The following BRWD1 variants were observed in gnomAD, a reference collection of about 807,000 sequenced individuals.
BRWD1 encodes bromodomain and WD repeat domain containing 1, also known as bromodomain and WD repeat-containing protein 1.
Under a neutral mutation model 251.2 loss-of-function variants are expected in BRWD1, and 82 were observed. That is an observed-to-expected ratio of 0.33 (90% CI 0.27 to 0.39). BRWD1 has a LOEUF of 0.39. BRWD1 is among the 10% of genes least tolerant of loss of function. BRWD1 has a pLI of 1.00. For missense variants in BRWD1, 2,233 were observed against 2,711.6 expected, an observed-to-expected ratio of 0.82 and a Z score of 3.92; for synonymous variants, 918 against 902.8, an observed-to-expected ratio of 1.02 and a Z score of -0.30.
chr21:39,284,962 T>C (rs1280733302), intron 8 of BRWD1, among the ~76,000 whole-genome samples: 1 of 152,232 alleles, frequency 6.6e-6, no homozygotes, highest in African/African-American at 2.4e-5. Flanking sequence ...TTGTTCCCTA[T>C]GCTTTTGGGT....
At chr21:39,266,266 T>C (rs1052992460) in intron 15 of BRWD1, among the ~76,000 whole-genome samples, 18 of 98,746 alleles carry the variant, frequency 1.8e-4, no homozygotes, top group Non-Finnish European at 2.8e-4. Flanking sequence ...TATTAATTCA[T>C]ATTCTCTTAA....
At chr21:39,291,534 C>G (rs2035807075) in intron 8 of BRWD1, among the ~76,000 whole-genome samples, 1 of 152,126 alleles carries the variant, frequency 6.6e-6, no homozygotes, top group Non-Finnish European at 1.5e-5. Flanking sequence ...CATTTTGGTA[C>G]CACCCCCACT....
At chr21:39,308,255 G>A (rs1022757857) in intron 4 of BRWD1, among the ~76,000 whole-genome samples, 5 of 152,128 alleles carry the variant, frequency 3.3e-5, no homozygotes, top group Admixed American at 2.6e-4. Flanking sequence ...GCCAATGCAG[G>A]TGGATCACTG....
chr21:39,226,013 TGA>T (rs1002100690), intron 27 of BRWD1, among the ~76,000 whole-genome samples: 25 of 152,286 alleles, frequency 1.6e-4, no homozygotes, highest in African/African-American at 5.3e-4. Context: ...GCCTCAATTT[TGA>T]GAGGCCAAAC....
At chr21:39,231,840 TTTC>T (rs2033628339) in intron 25 of BRWD1, among the ~76,000 whole-genome samples, 1 of 152,238 alleles carries the variant, frequency 6.6e-6, no homozygotes, top group Non-Finnish European at 1.5e-5. Flanking sequence ...CCAGTTTTTA[TTTC>T]TTCTTTTGAA....
At chr21:39,295,677 A>T in intron 7 of BRWD1, 66 bp downstream of exon 7, 1 of 1,246,470 alleles carries the variant, frequency 8.0e-7, no homozygotes, top group Non-Finnish European at 1.1e-6. Flanking sequence ...AAGATTTCCT[A>T]GATGATTCTG....
At position 39,270,206 on chromosome 21, in the gene BRWD1, T is replaced by C. The variant is rs2035054990; in HGVS notation, c.1395+77A>G. 3.7e-6 allele frequency: 5 copies of C among 1,358,068 alleles called. No individual in the cohort carries two copies. In the South Asian group the frequency reaches 6.7e-5, roughly 18 times the overall value. 84.1% of individuals were successfully genotyped at this position (1,358,068 alleles called of 1,614,324 possible). On this transcript the variant is annotated intron_variant, in intron 14 of 40. Coordinates refer to ENST00000342449, the MANE Select transcript of BRWD1 (RefSeq NM_033656.4). ...CATGAGAGAAACAACTTGTTCAATA[T>C]ATTATTTTTATAGCTTCAAAATTAC...
At chr21:39,282,276 T>C (rs1040763529) in intron 8 of BRWD1, among the ~76,000 whole-genome samples, 1 of 151,486 alleles carries the variant, frequency 6.6e-6, no homozygotes, top group African/African-American at 2.4e-5. Context: ...TCAAGAAACA[T>C]TCAAGACAAA....
rs973199538 is a variant in BRWD1 at position 39,194,553 on chromosome 21, T to C, written c.*1706A>G. The C allele has an allele frequency of 6.9e-7, 1 of 1,446,868 alleles. No homozygotes were observed. The highest frequency in any genetic ancestry group is 9.0e-7 in the Non-Finnish European group (1 of 1,106,178). 89.6% of individuals were successfully genotyped at this position (1,446,868 alleles called of 1,614,324 possible). A position where few individuals can be genotyped will look rare whatever the true frequency, so the allele number is the denominator to read the frequency against. On this transcript the variant is annotated 3_prime_UTR_variant, in exon 41 of 41. Coordinates refer to ENST00000342449, the MANE Select transcript of BRWD1 (RefSeq NM_033656.4). ...TCTAAGCCACAAATGAGAGGAGGTT[T>C]CCCACCTATCTCAGTTGATAATGTC... is the stretch of plus-strand genomic sequence containing the variant.
intron 20 of BRWD1, among the ~76,000 whole-genome samples, chr21:39,248,464 GAACA>G (rs757160736): frequency 6.6e-5 from 10 of 151,246 alleles, no homozygotes; most frequent in Admixed American, 6.6e-5. Flanking sequence ...ACAAAAACAA[GAACA>G]AACAAACAAA....
chr21:39,191,001 G>C lies in BRWD1; in HGVS notation c.*5258C>G, dbSNP rs2031523436. ...AAAACTCAGATTTGTGATGGCTATT[G>C]CAATTTTTAATAAAAATCTCATAAA... On this transcript the variant is annotated 3_prime_UTR_variant, in exon 41 of 41. Coordinates refer to ENST00000342449, the MANE Select transcript of BRWD1 (RefSeq NM_033656.4). 5.1e-6 allele frequency: 5 copies of C among 985,080 alleles called. No individual in the cohort carries two copies. In the South Asian group the frequency reaches 1.4e-4, roughly 28 times the overall value. The allele number at this position is 985,080 out of a possible 1,614,324, so 61.0% of individuals were successfully genotyped here.
rs578118978 is a variant in BRWD1 at position 39,201,146 on chromosome 21, G to A, written c.4586-760C>T. ...TTACCCATTCCTAACAGCACAGTAA[G>A]GTCATTTCTTACATAACAGCTACAC... is the stretch of plus-strand genomic sequence containing the variant. On this transcript the variant is annotated intron_variant, in intron 38 of 40. Coordinates refer to ENST00000342449, the MANE Select transcript of BRWD1 (RefSeq NM_033656.4). 1.1e-4 allele frequency among the ~76,000 whole-genome samples: 16 copies of A among 152,262 alleles called. No homozygotes were observed. In the South Asian group the frequency reaches 1.2e-3, roughly 12 times the overall value.
rs372623037 is a variant in BRWD1 at position 39,236,820 on chromosome 21, A to G, written c.2577-36T>C. 13 of 1,565,766 alleles carry G rather than the reference A, an allele frequency of 8.3e-6. No individual in the cohort carries two copies. In the African/African-American group the frequency reaches 1.4e-4, roughly 16 times the overall value. ...GGAGTGCTTTCAGTTGAATGGAGCC[A>G]GAATATAAGCACTGATAGCAAGTCA... On this transcript the variant is annotated intron_variant, in intron 22 of 40. Transcript: ENST00000342449.
At chr21:39,277,168 T>A in intron 11 of BRWD1, 83 bp downstream of exon 11, 1 of 843,126 alleles carries the variant, frequency 1.2e-6, no homozygotes, top group East Asian at 3.0e-5. Flanking sequence ...AAAATAAAAG[T>A]AGAGCCAATA....
At chr21:39,287,552 G>A (rs2035679506) in intron 8 of BRWD1, among the ~76,000 whole-genome samples, 1 of 152,058 alleles carries the variant, frequency 6.6e-6, no homozygotes, top group South Asian at 2.1e-4. Context: ...TTATAAAGCT[G>A]CTTAAAATAT....
At chr21:39,313,742 G>A (rs949095354), upstream of BRWD1, 2 of 385,624 alleles carry the variant, frequency 5.2e-6, no homozygotes, top group Non-Finnish European at 9.3e-6. Context: ...CTCGTGTCCC[G>A]CCCGGGGAGG....
Position 39,303,028 on chromosome 21 carries a change from C to T in BRWD1, c.199-4446G>A, listed in dbSNP as rs565697284. ...GAGCCGAGATCACACCACCACACTC[C>T]ATCCTGCACAACAGAGACTCCGTCT... On this transcript the variant is annotated intron_variant, in intron 4 of 40. Transcript: ENST00000342449. Among the ~76,000 whole-genome samples the T allele has an allele frequency of 8.5e-5, 13 of 152,188 alleles. No individual in the cohort carries two copies. The South Asian group carries it at 2.3e-3, about 27-fold the overall frequency.
chr21:39,218,421 A>G, intron 30 of BRWD1, 84 bp downstream of exon 30: 1 of 1,438,054 alleles, frequency 7.0e-7, no homozygotes, highest in Non-Finnish European at 9.3e-7. Context: ...AAGAACAGAA[A>G]CCTCAATTAT....
chr21:39,278,933 C>A, intron 9 of BRWD1, 120 bp from the exon 10 acceptor site: 1 of 752,892 alleles, frequency 1.3e-6, no homozygotes, highest in Non-Finnish European at 1.9e-6. Context: ...CAGGGTCTCG[C>A]CATGTTGCCC....
Sources: gnomAD v4.1 joint callset for allele counts (sites outside exome capture counted in the v4.1 genomes callset) on GRCh38, gnomAD v4.1.1 for gene constraint, MANE v1.5 for transcripts, NCBI Gene and HGNC (gene_info 2026-07-23, HGNC 2026-07-21) for gene names.